The following SLC7A13 variants were observed in gnomAD, a reference collection of about 807,000 sequenced individuals.
The protein encoded by SLC7A13 is X-amino acid transporter 2.
Under a neutral mutation model 32.0 loss-of-function variants are expected in SLC7A13, and 31 were observed. The ratio of observed to expected loss-of-function variants is 0.97; its 90% CI spans 0.73 to 1.31. SLC7A13 has a LOEUF of 1.31. Among genes scored for constraint, SLC7A13 ranks in the 50% most tolerant of loss-of-function variants. The probability of loss-of-function intolerance (pLI) is 0.00; values close to 1 mark genes in which losing one functional copy is unlikely to be tolerated. For missense variants in SLC7A13, 633 were observed against 546.9 expected (o/e 1.16, Z -1.57); for synonymous variants, 232 against 206.9 (o/e 1.12, Z -1.04).
intron 1 of SLC7A13, among the ~76,000 whole-genome samples, chr8:86,224,731 T>G (rs1397150821): frequency 6.6e-6 from 1 of 152,092 alleles, no homozygotes; most frequent in Non-Finnish European, 1.5e-5. Flanking sequence ...AGAACAGACA[T>G]CCGATCCACT....
chr8:86,224,639 T>C (rs548655238), intron 1 of SLC7A13, among the ~76,000 whole-genome samples: 29 of 152,292 alleles, frequency 1.9e-4, no homozygotes, highest in Admixed American at 1.2e-3. Flanking sequence ...ACCCTGAGAA[T>C]TGCTCTGTGG....
At chr8:86,221,351 A>G (rs1311738229) in intron 2 of SLC7A13, among the ~76,000 whole-genome samples, 1 of 152,156 alleles carries the variant, frequency 6.6e-6, no homozygotes, top group Non-Finnish European at 1.5e-5. Flanking sequence ...ATCATACATA[A>G]AGCTATGATT....
chr8:86,229,761 AG>A lies in SLC7A13; in HGVS notation c.516del (p.Phe173SerfsTer4), dbSNP rs1417949537. The A allele has an allele frequency of 2.5e-6, 4 of 1,614,086 alleles. No homozygotes were observed. In the Admixed American group the frequency reaches 6.7e-5, roughly 27 times the overall value. On this transcript the variant is annotated frameshift_variant, in exon 1 of 4. Transcript: ENST00000297524. LOFTEE classifies it high-confidence loss of function. Reference sequence around the variant, plus strand: ...AACACTACTCCAGTTAGGGAAATGAAGCTAAGTATGGACACTTTCAGCACTG... The same window carrying A: ...AACACTACTCCAGTTAGGGAAATGAACTAAGTATGGACACTTTCAGCACTG... ...ASSVLKVSIL[S>X]FISLTGVVFL... is the part of the protein sequence containing the mutation.
Position 86,230,299 on chromosome 8 carries a change from T to C in SLC7A13, c.-22A>G, listed in dbSNP as rs1242690699. ...CCATTGTAATTGAAGAGTTTTAAAATTCTATATAAATTACAATTTCTAGAT... is the reference window on the plus strand; with the variant it reads ...CCATTGTAATTGAAGAGTTTTAAAACTCTATATAAATTACAATTTCTAGAT... On this transcript the variant is annotated 5_prime_UTR_variant, in exon 1 of 4. Transcript: ENST00000297524. 2 of 1,511,226 alleles carry C rather than the reference T, an allele frequency of 1.3e-6. No individual in the cohort carries two copies. The highest frequency in any genetic ancestry group is 4.5e-5 in the Admixed American group (2 of 44,054). 93.6% of individuals were successfully genotyped at this position (1,511,226 alleles called of 1,614,324 possible).
In SLC7A13 at chr8:86,229,706, T is replaced by A. The variant is rs1820449084; in HGVS notation, c.572A>T (p.Glu191Val). Residue 191 changes from glutamate to valine, a missense_variant, in exon 1 of 4, where the codon GAA becomes GTA. Coordinates refer to ENST00000297524, the MANE Select transcript of SLC7A13 (RefSeq NM_138817.3). ...FLIRGKKENV[E>V]RFQNAFDAEL... ...AGCATCAAAAGCATTCTGAAATCGT[T>A]CTACATTCTCCTTTTTCCCTCTTAT... 2 of 1,614,074 alleles carry A rather than the reference T, an allele frequency of 1.2e-6. No individual in the cohort carries two copies. The highest frequency in any genetic ancestry group is 3.3e-5 in the Admixed American group (2 of 60,004).
chr8:86,217,738 A>G lies in SLC7A13; in HGVS notation c.911T>C (p.Leu304Pro). ...TCTCGATGATTTAAATATAGAAATC[A>G]GAAGGTTGCTAAATAATGAGGTAGA... The part of the protein sequence containing the change: ...AISTSLFSNL[L>P]ISIFKSSRPI... Residue 304 changes from leucine (L) to proline (P), a missense_variant, in exon 3 of 4, where the codon CTG becomes CCG. By Grantham distance (98) the Leu-to-Pro change is moderately conservative. Coordinates refer to ENST00000297524, the MANE Select transcript of SLC7A13 (RefSeq NM_138817.3). The G allele has an allele frequency of 1.2e-6, 2 of 1,613,350 alleles. No homozygotes were observed. The highest frequency in any genetic ancestry group is 8.5e-7 in the Non-Finnish European group (1 of 1,179,578).
chr8:86,227,022 C>G (rs1172472463), intron 1 of SLC7A13, among the ~76,000 whole-genome samples: 1 of 152,056 alleles, frequency 6.6e-6, no homozygotes, highest in African/African-American at 2.4e-5. Flanking sequence ...GTACATTTTG[C>G]AGATAATAAA....
chr8:86,228,663 T>C (rs1820431383), intron 1 of SLC7A13, among the ~76,000 whole-genome samples: 1 of 151,970 alleles, frequency 6.6e-6, no homozygotes, highest in South Asian at 2.1e-4. Flanking sequence ...CTGGCCAACA[T>C]GGTGAAAGCC....
chr8:86,217,905 T>C (rs971511528), intron 2 of SLC7A13, 74 bp from the exon 3 acceptor site: 10 of 1,413,286 alleles, frequency 7.1e-6, no homozygotes, highest in Non-Finnish European at 8.5e-6. Context: ...TTTAATATTA[T>C]TTCAAAATGA....
chr8:86,219,605 T>C (rs934013323), intron 2 of SLC7A13, among the ~76,000 whole-genome samples: 2 of 152,182 alleles, frequency 1.3e-5, no homozygotes, highest in African/African-American at 4.8e-5. Context: ...TTTGTATGAA[T>C]GTATAAACAT....
At chr8:86,223,918 T>C (rs773413058) in intron 1 of SLC7A13, among the ~76,000 whole-genome samples, 1 of 152,040 alleles carries the variant, frequency 6.6e-6, no homozygotes, top group Admixed American at 6.6e-5. Flanking sequence ...TTTCTGAAGA[T>C]AGACTTAAGA....
intron 1 of SLC7A13, among the ~76,000 whole-genome samples, chr8:86,225,997 A>G (rs1158952107): frequency 6.6e-6 from 1 of 152,170 alleles, no homozygotes; most frequent in Admixed American, 6.5e-5. Context: ...TTTGCAGGTA[A>G]AAGGGTTACT....
At position 86,230,088 on chromosome 8, in the gene SLC7A13, T is replaced by C. The variant is rs367790284; in HGVS notation, c.190A>G (p.Thr64Ala). The C allele has an allele frequency of 1.9e-6, 3 of 1,613,894 alleles. No homozygotes were observed. Among genetic ancestry groups the C allele is most frequent in the Non-Finnish European group, 2.5e-6 (3 of 1,180,020 alleles). Residue 64 changes from threonine to alanine, a missense_variant, in exon 1 of 4, where the codon ACT becomes GCT. Transcript: ENST00000297524. The stretch of plus-strand genomic sequence containing the variant: ...ATACTTATCTCTGCAGAGCAAAGAG[T>C]TGATGTCATGGCCAGTATGGCACAG... ...AGCAILAMTS[T>A]LCSAEISISF...
Position 86,230,303 on chromosome 8 carries a change from A to G in SLC7A13, c.-26T>C, listed in dbSNP as rs767090107. ...TGTAATTGAAGAGTTTTAAAATTCT[A>G]TATAAATTACAATTTCTAGATTTTC... On this transcript the variant is annotated 5_prime_UTR_variant, in exon 1 of 4. Transcript: ENST00000297524. 8.7e-6 allele frequency: 13 copies of G among 1,502,732 alleles called. No homozygotes were observed. Among genetic ancestry groups the G allele is most frequent in the Middle Eastern group, 1.8e-4 (1 of 5,606 alleles). The allele number at this position is 1,502,732 out of a possible 1,614,324, so 93.1% of individuals were successfully genotyped here.
intron 2 of SLC7A13, among the ~76,000 whole-genome samples, chr8:86,222,395 A>T (rs1820312007): frequency 6.6e-6 from 1 of 151,904 alleles, no homozygotes. Context: ...TCATTCTTTT[A>T]TTCTTTATTC....
chr8:86,215,658 C>A, intron 3 of SLC7A13: 1 of 445,160 alleles, frequency 2.2e-6, no homozygotes, highest in South Asian at 1.6e-5. Flanking sequence ...TGCACTCCAG[C>A]TTCTCCAGCC....
chr8:86,218,302 T>C (rs985891430), intron 2 of SLC7A13, among the ~76,000 whole-genome samples: 7 of 152,170 alleles, frequency 4.6e-5, no homozygotes, highest in Admixed American at 2.0e-4. Flanking sequence ...AATGAGACTT[T>C]CCCACATCAT....
chr8:86,226,756 T>C lies in SLC7A13; in HGVS notation c.685+2837A>G, dbSNP rs575638538. 5.8e-4 allele frequency among the ~76,000 whole-genome samples: 89 copies of C among 152,174 alleles called. 1 individual carries two copies. Among genetic ancestry groups the C allele is most frequent in the Non-Finnish European group, 1.2e-3 (80 of 68,032 alleles). ...TACCAAGACTCTCAGATGGAAACCATTTTGTAGTCACCTGAGGTTGCATGC... is the reference window on the plus strand; with the variant it reads ...TACCAAGACTCTCAGATGGAAACCACTTTGTAGTCACCTGAGGTTGCATGC... On this transcript the variant is annotated intron_variant, in intron 1 of 3. Coordinates refer to ENST00000297524, the MANE Select transcript of SLC7A13 (RefSeq NM_138817.3).
chr8:86,217,754 A>C lies in SLC7A13; in HGVS notation c.895T>G (p.Leu299Val). ...WIMPFAISTS[L>V]FSNLLISIFK... ...ATAGAAATCAGAAGGTTGCTAAATA[A>C]TGAGGTAGAAATAGCAAAAGGCATA... The change falls in exon 3 of 4, where the codon TTA becomes GTA. Residue 299 changes from leucine (L) to valine (V), a missense_variant. Physicochemically the swap from Leu to Val is conservative, Grantham distance 32. Coordinates refer to ENST00000297524, the MANE Select transcript of SLC7A13 (RefSeq NM_138817.3). 1 of 1,613,222 alleles carries C rather than the reference A, an allele frequency of 6.2e-7. No individual in the cohort carries two copies. Among genetic ancestry groups the C allele is most frequent in the African/African-American group, 1.3e-5 (1 of 74,978 alleles).
Sources: allele counts gnomAD v4.1 joint callset (sites outside exome capture counted in the v4.1 genomes callset), GRCh38; gene constraint gnomAD v4.1.1; transcripts MANE v1.5; gene names NCBI Gene and HGNC (gene_info 2026-07-23, HGNC 2026-07-21).